Variants in HPCAL1 observed in about 807,000 individuals in gnomAD.
HPCAL1 encodes hippocalcin like 1.
Under a neutral mutation model 17.1 loss-of-function variants are expected in HPCAL1, and 8 were observed. The observed-to-expected ratio is 0.47, with a 90% CI of 0.27 to 0.84. HPCAL1 has a LOEUF of 0.84. Ranked by LOEUF, HPCAL1 falls within the 40% of genes least tolerant of loss-of-function variation. The pLI, the probability that HPCAL1 is intolerant of heterozygous loss-of-function variation, is 0.13. For missense variants in HPCAL1, 165 were observed against 271.1 expected (o/e 0.61, Z 2.75); for synonymous variants, 112 against 111.4 (o/e 1.01, Z -0.03).
chr2:10,396,997 G>T (rs2270303), intron 2 of HPCAL1, 77 bp downstream of exon 2: 12,204 of 152,412 alleles, frequency 0.08, 559 homozygotes, highest in South Asian at 0.11. Context: ...CTGCTGTGCC[G>T]TGGGGTCCTG....
Position 10,422,978 on chromosome 2 carries a change from CG to C in HPCAL1, c.379-4del, listed in dbSNP as rs1420350785. ...TGAGCACAGTGTCATTGCCCCCATC[CG>C]CAGGCCATCTACAAGATGGTGTCGT... On this transcript the variant is annotated splice_polypyrimidine_tract_variant and splice_region_variant and intron_variant, in intron 3 of 4. Transcript: ENST00000307845. The C allele has an allele frequency of 6.2e-7, 1 of 1,607,878 alleles. No homozygotes were observed. The highest frequency in any genetic ancestry group is 8.5e-7 in the Non-Finnish European group (1 of 1,175,130).
rs143838976 is a variant in HPCAL1 at position 10,344,903 on chromosome 2, TTC to T, written c.-111+41732_-111+41733del. On this transcript the variant is annotated intron_variant, in intron 1 of 4. Coordinates refer to ENST00000307845, the MANE Select transcript of HPCAL1 (RefSeq NM_002149.4). This position sits in a 1 kb window ranked among gnomAD's most constrained non-coding sequence, Gnocchi z 4.9. ...CCTCTCTCTATGTGTCCGTTTCTCTTTCTCTCTGTGTGTCTCTCTCTCTGTGC... is the reference window on the plus strand; with the variant it reads ...CCTCTCTCTATGTGTCCGTTTCTCTTTCTCTGTGTGTCTCTCTCTCTGTGC... 0.11 allele frequency among the ~76,000 whole-genome samples: 15,608 copies of T among 141,490 alleles called. 1,122 individuals carry two copies. The highest frequency in any genetic ancestry group is 0.16 in the Non-Finnish European group (10,489 of 64,732). The allele number at this position is 141,490 out of a possible 152,430, so 92.8% of individuals were successfully genotyped here.
intron 1 of HPCAL1, among the ~76,000 whole-genome samples, chr2:10,396,416 G>T (rs974217051): frequency 6.6e-6 from 1 of 152,210 alleles, no homozygotes; most frequent in African/African-American, 2.4e-5. Flanking sequence ...ACAGCCCTGG[G>T]TGCAGAGTGT....
rs1665180522 is a variant in HPCAL1 at position 10,342,796 on chromosome 2, G to A, written c.-111+39619G>A. On this transcript the variant is annotated intron_variant, in intron 1 of 4. Transcript: ENST00000307845. The surrounding 1 kb of genome is among the most constrained non-coding windows in gnomAD (Gnocchi z 4.1). ...CAGCTGCCCTCCAGTAGCTACGCAG[G>A]ATGCTCTGGCCGGCCTCTGAGGATT... Among the ~76,000 whole-genome samples the A allele has an allele frequency of 1.3e-5, 2 of 152,194 alleles. No individual in the cohort carries two copies. The highest frequency in any genetic ancestry group is 4.8e-5 in the African/African-American group (2 of 41,456).
At chr2:10,378,620 T>A (rs1054399668) in intron 1 of HPCAL1, among the ~76,000 whole-genome samples, 8 of 152,162 alleles carry the variant, frequency 5.3e-5, no homozygotes, top group African/African-American at 1.9e-4. Flanking sequence ...CTCACTCTCC[T>A]GACCTCACCG....
At chr2:10,396,551 TGTA>T (rs1211979829) in intron 1 of HPCAL1, among the ~76,000 whole-genome samples, 2 of 152,216 alleles carry the variant, frequency 1.3e-5, no homozygotes, top group African/African-American at 4.8e-5. Context: ...ATGCCAGTTT[TGTA>T]GTAACCAGCA....
chr2:10,332,588 C>T (rs1168913504), intron 1 of HPCAL1, among the ~76,000 whole-genome samples: 3 of 152,234 alleles, frequency 2.0e-5, no homozygotes, highest in South Asian at 2.1e-4. Context: ...AAGAGTCAGA[C>T]GCTTGTTAAA....
At chr2:10,400,396 C>T (rs1669525478) in intron 2 of HPCAL1, among the ~76,000 whole-genome samples, 1 of 152,190 alleles carries the variant, frequency 6.6e-6, no homozygotes, top group Non-Finnish European at 1.5e-5. Flanking sequence ...TTTGTGTAGC[C>T]AACAATTCTT....
At position 10,319,669 on chromosome 2, in the gene HPCAL1, T is replaced by A. The variant is rs112932055; in HGVS notation, c.-111+16492T>A. Among the ~76,000 whole-genome samples the A allele has an allele frequency of 1.3e-3, 193 of 151,912 alleles. 3 individuals carry two copies. Among genetic ancestry groups the A allele is most frequent in the African/African-American group, 4.3e-3 (180 of 41,442 alleles). On this transcript the variant is annotated intron_variant, in intron 1 of 4. Coordinates refer to ENST00000307845, the MANE Select transcript of HPCAL1 (RefSeq NM_002149.4). ...GCAGAGACCGGGCCTGGAGAGAGTA[T>A]CCCTGGGTAGGGAAAGGTGCTCTCA...
chr2:10,400,685 G>A (rs554788095), intron 2 of HPCAL1, among the ~76,000 whole-genome samples: 3 of 152,332 alleles, frequency 2.0e-5, no homozygotes, highest in African/African-American at 7.2e-5. Flanking sequence ...GTCCCCTCCA[G>A]CCCTCAGCCA....
At chr2:10,405,999 T>C (rs1669947150) in intron 2 of HPCAL1, among the ~76,000 whole-genome samples, 1 of 152,220 alleles carries the variant, frequency 6.6e-6, no homozygotes, top group South Asian at 2.1e-4. Context: ...ATTCTTGGTG[T>C]TCTATGGAGC....
At chr2:10,309,489 C>A (rs1662821431) in intron 1 of HPCAL1, among the ~76,000 whole-genome samples, 1 of 152,206 alleles carries the variant, frequency 6.6e-6, no homozygotes, top group Non-Finnish European at 1.5e-5. Context: ...TATGGCCTTG[C>A]CTGGGCTGGT....
In HPCAL1 at chr2:10,342,568, C is replaced by G. The variant is rs951587610; in HGVS notation, c.-111+39391C>G. Among the ~76,000 whole-genome samples, 1 of 152,186 alleles carries G rather than the reference C, an allele frequency of 6.6e-6. No individual in the cohort carries two copies. Among genetic ancestry groups the G allele is most frequent in the Non-Finnish European group, 1.5e-5 (1 of 68,036 alleles). ...GTGCTGGACTTTGCAGGATGCCAGA[C>G]TTTTGGCAGGGGAGGAAATTGAGGT... is the stretch of plus-strand genomic sequence containing the variant. On this transcript the variant is annotated intron_variant, in intron 1 of 4. Coordinates refer to ENST00000307845, the MANE Select transcript of HPCAL1 (RefSeq NM_002149.4). The surrounding 1 kb of genome is among the most constrained non-coding windows in gnomAD (Gnocchi z 4.1).
rs55678486 is a variant in HPCAL1 at position 10,395,113 on chromosome 2, A to AACACACAC, written c.-110-1683_-110-1676dup. On this transcript the variant is annotated intron_variant, in intron 1 of 4. Coordinates refer to ENST00000307845, the MANE Select transcript of HPCAL1 (RefSeq NM_002149.4). This position sits in a 1 kb window ranked among gnomAD's most constrained non-coding sequence, Gnocchi z 4.4. ...TGTCCAGCCTAAAATCTATCTTTAA[A>AACACACAC]ACACACACACACACACACACACACA... 0.019 allele frequency among the ~76,000 whole-genome samples: 2,647 copies of AACACACAC among 138,378 alleles called. 38 individuals are homozygous for AACACACAC. The highest frequency in any genetic ancestry group is 0.029 in the Middle Eastern group (8 of 280). 90.8% of individuals were successfully genotyped at this position (138,378 alleles called of 152,430 possible).
chr2:10,393,422 G>A (rs1668827104), intron 1 of HPCAL1, among the ~76,000 whole-genome samples: 1 of 152,240 alleles, frequency 6.6e-6, no homozygotes. Context: ...GGCCTCCTCT[G>A]CGGAGTCCAG....
intron 4 of HPCAL1, chr2:10,424,739 A>C (rs575528973): frequency 2.8e-4 from 118 of 429,038 alleles, no homozygotes; most frequent in Non-Finnish European, 5.0e-4. Context: ...GAGTGATACC[A>C]GGAAGGTGGG....
chr2:10,396,170 G>C (rs912666644), intron 1 of HPCAL1, among the ~76,000 whole-genome samples: 2 of 152,212 alleles, frequency 1.3e-5, no homozygotes, highest in Non-Finnish European at 2.9e-5. Context: ...GCTGAGCTGC[G>C]GGCTGAATGT....
chr2:10,411,310 C>T (rs1488860903), intron 2 of HPCAL1, among the ~76,000 whole-genome samples: 3 of 152,168 alleles, frequency 2.0e-5, no homozygotes, highest in Non-Finnish European at 2.9e-5. Flanking sequence ...CTCAGACCTC[C>T]TGGGTCCACA....
At chr2:10,364,011 C>A (rs1666682733) in intron 1 of HPCAL1, among the ~76,000 whole-genome samples, 1 of 152,222 alleles carries the variant, frequency 6.6e-6, no homozygotes, top group Admixed American at 6.5e-5. Flanking sequence ...GCACTGGTCC[C>A]AGCTTGGTGG....
Sources: gnomAD v4.1 joint callset for allele counts (sites outside exome capture counted in the v4.1 genomes callset) on GRCh38, gnomAD v4.1.1 for gene constraint, Gnocchi (gnomAD v3.1) non-coding constraint, MANE v1.5 for transcripts, NCBI Gene and HGNC (gene_info 2026-07-23, HGNC 2026-07-21) for gene names.